Variants in RANBP2 observed in about 807,000 individuals in gnomAD.
RANBP2 encodes the protein E3 SUMO-protein ligase RanBP2.
In RANBP2, 57 loss-of-function variants were observed where a neutral mutation model predicts 303.6. That is an observed-to-expected ratio of 0.19 (90% CI 0.15 to 0.23). The LOEUF (loss-of-function observed/expected upper bound fraction) is 0.23. Among genes scored for constraint, RANBP2 ranks in the 10% least tolerant of loss-of-function variants. RANBP2 has a pLI of 1.00. For missense variants in RANBP2, 3,138 were observed against 3,780.8 expected (o/e 0.83, Z 4.46); for synonymous variants, 1,167 against 1,301.5 (o/e 0.90, Z 2.23).
chr2:109,742,184 G>A, the RANBP2 span, among the ~76,000 whole-genome samples: 1 of 80,906 alleles, frequency 1.2e-5, no homozygotes, highest in African/African-American at 5.2e-5. Context: ...CACTTTGGGA[G>A]GCCGGGATGG....
the RANBP2 span, among the ~76,000 whole-genome samples, chr2:109,619,200 T>C: frequency 6.6e-6 from 1 of 152,178 alleles, no homozygotes; most frequent in Non-Finnish European, 1.5e-5. Flanking sequence ...GTTAGTAAGA[T>C]TATAAGAGTC....
chr2:109,717,707 A>G, the RANBP2 span, among the ~76,000 whole-genome samples: 1 of 152,162 alleles, frequency 6.6e-6, no homozygotes, highest in African/African-American at 2.4e-5. Context: ...TGAGGCCAGG[A>G]GTTCAAGACC....
chr2:109,233,329 G>GGA, the RANBP2 span, among the ~76,000 whole-genome samples: 1 of 152,174 alleles, frequency 6.6e-6, no homozygotes, highest in Non-Finnish European at 1.5e-5. Context: ...CCTGGAAAGG[G>GGA]GAGAGAGTGG....
chr2:108,994,612 T>C, the RANBP2 span, among the ~76,000 whole-genome samples: 4 of 152,016 alleles, frequency 2.6e-5, no homozygotes, highest in Non-Finnish European at 5.9e-5. Context: ...ATTGATATCT[T>C]CATTTGAAAA....
At chr2:109,622,758 A>G in the RANBP2 span, among the ~76,000 whole-genome samples, 1 of 152,230 alleles carries the variant, frequency 6.6e-6, no homozygotes, top group Non-Finnish European at 1.5e-5. Context: ...GCCAGCGTAG[A>G]AGAAAACCAG....
intron 14 of RANBP2, 52 bp downstream of exon 14, chr2:108,753,615 T>TC: frequency 6.3e-7 from 1 of 1,593,826 alleles, no homozygotes; most frequent in East Asian, 2.3e-5. Flanking sequence ...ATTTATTATT[T>TC]TTTTAAAAGA....
the RANBP2 span, among the ~76,000 whole-genome samples, chr2:108,971,407 T>C: frequency 6.6e-6 from 1 of 151,774 alleles, no homozygotes. Flanking sequence ...CCCAGGTGAT[T>C]TGCGTGCAAA....
At chr2:109,601,757 C>A in the RANBP2 span, among the ~76,000 whole-genome samples, 861 of 147,944 alleles carry the variant, frequency 5.8e-3, 5 homozygotes, top group African/African-American at 0.021. Flanking sequence ...CTTTCTACAC[C>A]CTGAAGTTAA....
At chr2:109,244,122 A>G in the RANBP2 span, among the ~76,000 whole-genome samples, 1 of 152,204 alleles carries the variant, frequency 6.6e-6, no homozygotes, top group African/African-American at 2.4e-5. Context: ...CCTTGAACTT[A>G]CAATTCAGCA....
At chr2:109,303,749 A>G in the RANBP2 span, among the ~76,000 whole-genome samples, 1 of 152,226 alleles carries the variant, frequency 6.6e-6, no homozygotes, top group African/African-American at 2.4e-5. Flanking sequence ...AAAGCTGGGC[A>G]TATTTTACAT....
chr2:109,374,917 C>T, the RANBP2 span, among the ~76,000 whole-genome samples: 2 of 152,220 alleles, frequency 1.3e-5, no homozygotes, highest in Admixed American at 6.5e-5. Context: ...GAGAGTGTGC[C>T]CTGCACAGTG....
At chr2:109,215,032 T>C in the RANBP2 span, among the ~76,000 whole-genome samples, 1 of 152,232 alleles carries the variant, frequency 6.6e-6, no homozygotes, top group South Asian at 2.1e-4. Flanking sequence ...AAACAGCTTT[T>C]GTACTTCTAA....
the RANBP2 span, among the ~76,000 whole-genome samples, chr2:109,268,905 T>C: frequency 1.3e-5 from 2 of 152,222 alleles, no homozygotes; most frequent in Non-Finnish European, 2.9e-5. Flanking sequence ...GTTGGGTTTA[T>C]CAAAATGTAA....
the RANBP2 span, among the ~76,000 whole-genome samples, chr2:109,255,510 G>A: frequency 6.6e-6 from 1 of 152,160 alleles, no homozygotes; most frequent in African/African-American, 2.4e-5. Context: ...TCACAGAAGA[G>A]GCAAAATTAG....
intron 9 of RANBP2, among the ~76,000 whole-genome samples, chr2:108,750,065 C>T (rs963483000): frequency 1.5e-4 from 23 of 152,230 alleles, no homozygotes; most frequent in Non-Finnish European, 2.8e-4. Flanking sequence ...GGAATCGCTT[C>T]AACCCGGGAG....
the RANBP2 span, among the ~76,000 whole-genome samples, chr2:109,097,581 T>G: frequency 6.6e-6 from 1 of 152,160 alleles, no homozygotes; most frequent in African/African-American, 2.4e-5. Flanking sequence ...AAATATGTCA[T>G]TGTGTTGTCT....
At chr2:108,817,946 T>G in the RANBP2 span, among the ~76,000 whole-genome samples, 2 of 152,208 alleles carry the variant, frequency 1.3e-5, no homozygotes, top group Non-Finnish European at 2.9e-5. Context: ...TAGCCTTATT[T>G]TAGAAGTAAC....
chr2:109,182,156 A>C, the RANBP2 span, among the ~76,000 whole-genome samples: 1 of 152,340 alleles, frequency 6.6e-6, no homozygotes, highest in Non-Finnish European at 1.5e-5. Flanking sequence ...AGAATACCAC[A>C]AACTGGATAA....
chr2:108,777,372 AG>A lies in RANBP2; in HGVS notation c.8599+144del, dbSNP rs1288393563. The A allele has an allele frequency of 3.8e-5, 22 of 578,030 alleles. No homozygotes were observed. The African/African-American group carries it at 5.2e-4, about 14-fold the overall frequency. 35.8% of individuals were successfully genotyped at this position (578,030 alleles called of 1,614,324 possible). On this transcript the variant is annotated intron_variant, in intron 25 of 28. Coordinates refer to ENST00000283195, the MANE Select transcript of RANBP2 (RefSeq NM_006267.5). ...GTTTGTTTTAGTGTTTTAATAATGA[AG>A]GGCTTCTACACTTTATTTTTTGACG...
Sources: allele counts gnomAD v4.1 joint callset (sites outside exome capture counted in the v4.1 genomes callset), GRCh38; gene constraint gnomAD v4.1.1; transcripts MANE v1.5; gene names NCBI Gene and HGNC (gene_info 2026-07-23, HGNC 2026-07-21).